Variants in GREB1L observed in about 807,000 individuals in gnomAD.
GREB1L encodes the protein GREB1 like retinoic acid receptor coactivator.
In GREB1L, 17 loss-of-function variants were observed where a neutral mutation model predicts 200.8. That is an observed-to-expected ratio of 0.08 (90% confidence interval 0.06 to 0.13). GREB1L has a LOEUF of 0.13. Ranked by LOEUF, GREB1L falls within the 10% of genes least tolerant of loss-of-function variation. GREB1L has a pLI of 1.00. For synonymous variants in GREB1L, 789 were observed against 893.0 expected, an observed-to-expected ratio of 0.88 and a Z score of 2.08; for missense variants, 1,657 against 2,367.7, an observed-to-expected ratio of 0.70 and a Z score of 6.23.
intron 1 of GREB1L, among the ~76,000 whole-genome samples, chr18:21,280,636 T>G (rs2038253608): frequency 1.3e-5 from 2 of 152,328 alleles, no homozygotes; most frequent in Admixed American, 1.3e-4. Context: ...CTCGAATGTA[T>G]TAATGAAATA....
At chr18:21,283,818 T>C (rs1338725061) in intron 1 of GREB1L, among the ~76,000 whole-genome samples, 1 of 152,200 alleles carries the variant, frequency 6.6e-6, no homozygotes, top group Non-Finnish European at 1.5e-5. Flanking sequence ...ACAAGTTAGA[T>C]GGTAAGGGCA....
At chr18:21,246,527 C>T (rs772390242) in intron 1 of GREB1L, among the ~76,000 whole-genome samples, 6 of 151,946 alleles carry the variant, frequency 3.9e-5, no homozygotes, top group Admixed American at 1.3e-4. Context: ...TAGTTTTTTC[C>T]GCCATATTGC....
rs549953806 is a variant in GREB1L, at chr18:21,521,096, C to G, written c.5608+273C>G. Among the ~76,000 whole-genome samples, 26 of 152,178 alleles carry G rather than the reference C, an allele frequency of 1.7e-4. No homozygotes were observed. In the South Asian group the frequency reaches 5.0e-3, roughly 29 times the overall value. ...CCTGTAGTCCCAGCTACTGGGGAGG[C>G]TGAGGCAGGAGAATGGCGTGAACCT... On this transcript the variant is annotated intron_variant, in intron 32 of 32. Coordinates refer to ENST00000424526, the MANE Select transcript of GREB1L (RefSeq NM_001142966.3).
chr18:21,419,448 T>C (rs1419439978), intron 7 of GREB1L, among the ~76,000 whole-genome samples: 3 of 152,160 alleles, frequency 2.0e-5, no homozygotes, highest in Admixed American at 2.0e-4. Flanking sequence ...CAGGGACAAC[T>C]GACTTTTTGT....
intron 15 of GREB1L, among the ~76,000 whole-genome samples, chr18:21,459,779 G>A (rs1416050611): frequency 6.6e-6 from 1 of 152,094 alleles, no homozygotes; most frequent in Non-Finnish European, 1.5e-5. Context: ...CAGTGACTAA[G>A]ACACAGGGAA....
chr18:21,498,896 C>T (rs983832612), intron 21 of GREB1L, among the ~76,000 whole-genome samples: 3 of 152,198 alleles, frequency 2.0e-5, no homozygotes, highest in Non-Finnish European at 4.4e-5. Flanking sequence ...GATTCGACCT[C>T]CCTGTCTGGG....
At chr18:21,491,109 G>C (rs2036316117) in intron 19 of GREB1L, among the ~76,000 whole-genome samples, 1 of 152,124 alleles carries the variant, frequency 6.6e-6, no homozygotes, top group South Asian at 2.1e-4. Context: ...TTCTGGGCCT[G>C]TAATCCAGTG....
rs1202809349 is a variant in GREB1L, at chr18:21,445,203, G to A, written c.1393+794G>A. On this transcript the variant is annotated intron_variant, in intron 11 of 32. Transcript: ENST00000424526. Reference sequence around the variant, plus strand: ...AAATATTTGAGATGTGGCCGGGCACGGTGGCTCACGCCCGTGATCCCAACA... The same window carrying A: ...AAATATTTGAGATGTGGCCGGGCACAGTGGCTCACGCCCGTGATCCCAACA... 2.6e-5 allele frequency among the ~76,000 whole-genome samples: 4 copies of A among 152,324 alleles called. No homozygotes were observed. In the South Asian group the frequency reaches 6.2e-4, roughly 24 times the overall value.
chr18:21,399,543 C>T (rs776744651), intron 5 of GREB1L, among the ~76,000 whole-genome samples: 1 of 151,872 alleles, frequency 6.6e-6, no homozygotes, highest in Non-Finnish European at 1.5e-5. Context: ...CTTTAGTGAC[C>T]TAGACAGCCA....
intron 1 of GREB1L, among the ~76,000 whole-genome samples, chr18:21,352,445 T>C (rs913418977): frequency 1.3e-5 from 2 of 151,554 alleles, no homozygotes; most frequent in Non-Finnish European, 2.9e-5. Flanking sequence ...TATATAAATA[T>C]ATATATATGT....
intron 1 of GREB1L, among the ~76,000 whole-genome samples, chr18:21,337,942 G>A (rs1363386236): frequency 6.6e-6 from 1 of 151,798 alleles, no homozygotes; most frequent in Non-Finnish European, 1.5e-5. Context: ...AGCCGAGATC[G>A]CACCACTGCA....
intron 4 of GREB1L, 111 bp downstream of exon 4, chr18:21,384,514 A>G: frequency 1.3e-6 from 1 of 798,396 alleles, no homozygotes; most frequent in Non-Finnish European, 2.0e-6. Context: ...TATCGTATGG[A>G]GAGGAATGAG....
chr18:21,316,657 T>C (rs1010892475), intron 1 of GREB1L, among the ~76,000 whole-genome samples: 6 of 151,792 alleles, frequency 4.0e-5, no homozygotes, highest in African/African-American at 1.5e-4. Flanking sequence ...CAAAAGATAA[T>C]AGATAATAGT....
chr18:21,387,041 T>C (rs1205553341), intron 4 of GREB1L, among the ~76,000 whole-genome samples: 1 of 152,220 alleles, frequency 6.6e-6, no homozygotes, highest in African/African-American at 2.4e-5. Context: ...TAACACCTGA[T>C]GGGCTGCTGG....
intron 1 of GREB1L, among the ~76,000 whole-genome samples, chr18:21,343,609 A>G (rs1019312592): frequency 7.2e-5 from 11 of 152,164 alleles, no homozygotes; most frequent in African/African-American, 2.7e-4. Context: ...GTCCCTGGTC[A>G]CAGAATTTAT....
intron 1 of GREB1L, among the ~76,000 whole-genome samples, chr18:21,341,485 C>T (rs1387358403): frequency 6.6e-6 from 1 of 152,202 alleles, no homozygotes; most frequent in Non-Finnish European, 1.5e-5. Flanking sequence ...CATCTTTCCA[C>T]CTCAGCTTCC....
Position 21,500,251 on chromosome 18 carries a change from C to A in GREB1L, c.3914C>A (p.Ala1305Asp). ...GACTATAGCAACCAGCTGGACCCGGCCTCTGGCACCCGAAACTTCCACCCC... is the reference window on the plus strand; with the variant it reads ...GACTATAGCAACCAGCTGGACCCGGACTCTGGCACCCGAAACTTCCACCCC... ...HADYSNQLDP[A>D]SGTRNFHPRR... Residue 1305 changes from alanine (A) to aspartate (D), a missense_variant, in exon 22 of 33, where the codon GCC becomes GAC. By Grantham distance (126) the Ala-to-Asp change is moderately radical (BLOSUM62 -2). This residue lies in a region of GREB1L where 512 missense variants were observed against 668.3 expected (regional missense o/e 0.77). Transcript: ENST00000424526. 6.7e-7 allele frequency: 1 copy of A among 1,501,252 alleles called. No individual in the cohort carries two copies. The highest frequency in any genetic ancestry group is 9.0e-7 in the Non-Finnish European group (1 of 1,111,942). The allele number at this position is 1,501,252 out of a possible 1,614,324, so 93.0% of individuals were successfully genotyped here.
intron 19 of GREB1L, among the ~76,000 whole-genome samples, chr18:21,493,895 T>A (rs1248534913): frequency 1.6e-3 from 30 of 18,222 alleles, no homozygotes; most frequent in East Asian, 2.8e-3. Flanking sequence ...AAAAAAAAAG[T>A]CCTCATACAG....
intron 1 of GREB1L, among the ~76,000 whole-genome samples, chr18:21,288,964 C>T (rs1250330730): frequency 1.3e-5 from 2 of 152,216 alleles, no homozygotes; most frequent in South Asian, 2.1e-4. Flanking sequence ...TCTGTAACTC[C>T]TGACCTCATG....
Sources: allele counts gnomAD v4.1 joint callset (sites outside exome capture counted in the v4.1 genomes callset), GRCh38; gene constraint gnomAD v4.1.1; regional missense constraint gnomAD v4.1.1; transcripts MANE v1.5; gene names NCBI Gene and HGNC (gene_info 2026-07-23, HGNC 2026-07-21).